Variants in DNAH7 observed in about 807,000 individuals in gnomAD.
DNAH7 encodes the protein dynein axonemal heavy chain 7.
DNAH7 carries 397 observed loss-of-function variants against 444.6 expected under a neutral mutation model. The observed-to-expected ratio is 0.89, with a 90% CI of 0.82 to 0.97. DNAH7 has a LOEUF of 0.97. DNAH7 is among the 50% of genes least tolerant of loss of function. DNAH7 has a pLI of 0.00. For synonymous variants in DNAH7, 1,636 were observed against 1,624.4 expected (o/e 1.01, Z -0.17); for missense variants, 4,902 against 4,800.8 (o/e 1.02, Z -0.62).
At chr2:195,975,999 G>T (rs1019509778) in intron 15 of DNAH7, among the ~76,000 whole-genome samples, 3 of 152,134 alleles carry the variant, frequency 2.0e-5, no homozygotes, top group African/African-American at 7.2e-5. Flanking sequence ...AACTGTAGTG[G>T]CTACCAAGAG....
chr2:196,063,564 T>C (rs1698251283), intron 1 of DNAH7: 1 of 152,250 alleles, frequency 6.6e-6, no homozygotes, highest in South Asian at 2.1e-4. Context: ...TTCAAAATCT[T>C]TTCAAAGATG....
intron 60 of DNAH7, among the ~76,000 whole-genome samples, chr2:195,773,780 A>G (rs1211220377): frequency 6.6e-6 from 1 of 152,236 alleles, no homozygotes; most frequent in Non-Finnish European, 1.5e-5. Context: ...GTTTTATAAT[A>G]TTCTAAGTTG....
intron 5 of DNAH7, among the ~76,000 whole-genome samples, chr2:196,031,121 G>A (rs941992284): frequency 1.3e-4 from 20 of 152,250 alleles, no homozygotes; most frequent in African/African-American, 4.8e-4. Flanking sequence ...CTGAAATCTA[G>A]GTGAAGGTTC....
intron 19 of DNAH7, among the ~76,000 whole-genome samples, chr2:195,938,957 G>A (rs1294412174): frequency 6.6e-6 from 1 of 152,092 alleles, no homozygotes; most frequent in East Asian, 1.9e-4. Flanking sequence ...AGGGGCCCAA[G>A]TTGAACAGAC....
chr2:195,756,283 C>G lies in DNAH7; in HGVS notation c.11436G>C (p.Gly3812=). Reference sequence around the variant, plus strand: ...CAAGATCTGTAGACATGACTGCAAGCCCCTGAAACACATTTAACCTTGGTT... The same window carrying G: ...CAAGATCTGTAGACATGACTGCAAGGCCCTGAAACACATTTAACCTTGGTT... ...SCVNIQKAIK[G]LAVMSTDLEE... Residue 3812 remains glycine (G), a splice_region_variant and synonymous_variant, in exon 62 of 65, where the codon GGG becomes GGC. Coordinates refer to ENST00000312428, the MANE Select transcript of DNAH7 (RefSeq NM_018897.3). The G allele has an allele frequency of 6.2e-7, 1 of 1,604,736 alleles. No homozygotes were observed. Among genetic ancestry groups the G allele is most frequent in the Non-Finnish European group, 8.5e-7 (1 of 1,174,814 alleles).
rs989829084 is a variant in DNAH7, at chr2:195,756,237, A to G, written c.11482T>C (p.Leu3828=). The G allele has an allele frequency of 1.2e-6, 2 of 1,613,700 alleles. No homozygotes were observed. The highest frequency in any genetic ancestry group is 1.3e-5 in the African/African-American group (1 of 74,898). Residue 3828 remains leucine, a synonymous_variant, in exon 62 of 65, where the codon TTG becomes CTG. Coordinates refer to ENST00000312428, the MANE Select transcript of DNAH7 (RefSeq NM_018897.3). ...CACATTTCTGGAATTTTGACATTCA[A>G]AATGCTGCTAACCACTTCTTCAAGA... The part of the protein sequence containing the change: ...TDLEEVVSSI[L]NVKIPEMWMG...
chr2:196,039,522 G>A (rs1696597483), intron 5 of DNAH7, among the ~76,000 whole-genome samples: 1 of 152,078 alleles, frequency 6.6e-6, no homozygotes, highest in Non-Finnish European at 1.5e-5. Context: ...CAAAATCCAG[G>A]TGCAGTGGTT....
At chr2:195,764,988 A>G (rs1203438344) in intron 61 of DNAH7, among the ~76,000 whole-genome samples, 1 of 152,186 alleles carries the variant, frequency 6.6e-6, no homozygotes, top group Non-Finnish European at 1.5e-5. Flanking sequence ...TTCAAATTAT[A>G]CTACAGAGCT....
rs187448912 is a variant in DNAH7, at chr2:195,970,759, T to C, written c.2059-665A>G. Among the ~76,000 whole-genome samples, 520 of 152,310 alleles carry C rather than the reference T, an allele frequency of 3.4e-3. 1 individual carries two copies. The highest frequency in any genetic ancestry group is 6.2e-3 in the Non-Finnish European group (424 of 68,008). On this transcript the variant is annotated intron_variant, in intron 16 of 64. Coordinates refer to ENST00000312428, the MANE Select transcript of DNAH7 (RefSeq NM_018897.3). ...AAATTAAATGGCTCTAAAAAATAGCTCAATAAAATATTCAAAAAATTTAGG... is the reference window on the plus strand; with the variant it reads ...AAATTAAATGGCTCTAAAAAATAGCCCAATAAAATATTCAAAAAATTTAGG...
intron 24 of DNAH7, among the ~76,000 whole-genome samples, chr2:195,919,541 C>T (rs1687895165): frequency 6.6e-6 from 1 of 152,066 alleles, no homozygotes; most frequent in Non-Finnish European, 1.5e-5. Flanking sequence ...GACAGGTTTT[C>T]ACCATGTTGG....
intron 58 of DNAH7, among the ~76,000 whole-genome samples, chr2:195,782,318 T>A (rs528179263): frequency 3.3e-5 from 5 of 152,324 alleles, no homozygotes; most frequent in African/African-American, 1.2e-4. Context: ...TAACTCATGA[T>A]GAAGTATACA....
chr2:195,747,759 G>A (rs1377388904), intron 63 of DNAH7, among the ~76,000 whole-genome samples: 2 of 152,122 alleles, frequency 1.3e-5, no homozygotes, highest in Admixed American at 1.3e-4. Context: ...AATAGATGCA[G>A]AAAAGGCCTT....
At chr2:195,948,934 C>A (rs1387493288) in intron 19 of DNAH7, among the ~76,000 whole-genome samples, 1 of 152,016 alleles carries the variant, frequency 6.6e-6, no homozygotes, top group African/African-American at 2.4e-5. Flanking sequence ...AGCATGGAAT[C>A]TTTTTCCATT....
intron 35 of DNAH7, among the ~76,000 whole-genome samples, chr2:195,883,214 G>A (rs1014565506): frequency 2.0e-5 from 3 of 152,142 alleles, no homozygotes; most frequent in South Asian, 2.1e-4. Context: ...TTGGGAGGCC[G>A]AAGTGGGCCG....
At chr2:195,800,866 T>A (rs1696413214) in intron 54 of DNAH7, among the ~76,000 whole-genome samples, 1 of 152,202 alleles carries the variant, frequency 6.6e-6, no homozygotes, top group Non-Finnish European at 1.5e-5. Flanking sequence ...GAAAATAATG[T>A]GGGAGAGAAA....
chr2:195,935,756 C>G (rs1331380142), intron 20 of DNAH7, among the ~76,000 whole-genome samples: 1 of 152,100 alleles, frequency 6.6e-6, no homozygotes, highest in Admixed American at 6.5e-5. Context: ...GGGAGGGCCT[C>G]CCTGAATGAC....
chr2:195,766,557 G>C (rs1694598299), intron 61 of DNAH7, among the ~76,000 whole-genome samples: 1 of 151,916 alleles, frequency 6.6e-6, no homozygotes, highest in Non-Finnish European at 1.5e-5. Context: ...GTGGTAGGTA[G>C]GGTTAATAGT....
chr2:196,033,207 T>A (rs1272857701), intron 5 of DNAH7, among the ~76,000 whole-genome samples: 2 of 152,228 alleles, frequency 1.3e-5, no homozygotes, highest in African/African-American at 4.8e-5. Flanking sequence ...TAGTTGTATA[T>A]GATTATAAGG....
At chr2:195,767,994 A>G (rs957101608) in intron 61 of DNAH7, among the ~76,000 whole-genome samples, 5 of 151,774 alleles carry the variant, frequency 3.3e-5, no homozygotes, top group African/African-American at 9.7e-5. Flanking sequence ...TGCTGATTAG[A>G]TAAAAATATT....
Sources: gnomAD v4.1 joint callset for allele counts (sites outside exome capture counted in the v4.1 genomes callset) on GRCh38, gnomAD v4.1.1 for gene constraint, MANE v1.5 for transcripts, NCBI Gene and HGNC (gene_info 2026-07-23, HGNC 2026-07-21) for gene names.